Variants in VPS41 observed in about 807,000 individuals in gnomAD.
The protein encoded by VPS41 is vacuolar protein sorting-associated protein 41 homolog.
VPS41 carries 85 observed loss-of-function variants against 130.9 expected under a neutral mutation model. The ratio of observed to expected loss-of-function variants is 0.65; its 90% CI spans 0.55 to 0.78. The LOEUF is 0.78. VPS41 is among the 30% of genes least tolerant of loss of function. VPS41 has a pLI of 0.00. For synonymous variants in VPS41, 335 were observed against 332.9 expected (o/e 1.01, Z -0.07); for missense variants, 874 against 1,018.7 (o/e 0.86, Z 1.93).
intron 2 of VPS41, among the ~76,000 whole-genome samples, chr7:38,889,903 A>C (rs1786824417): frequency 1.3e-5 from 2 of 152,242 alleles, no homozygotes; most frequent in African/African-American, 4.8e-5. Flanking sequence ...AAATATTTAA[A>C]CAATTGCACT....
intron 9 of VPS41, among the ~76,000 whole-genome samples, 159 bp from the exon 10 acceptor site, chr7:38,790,026 A>G (rs912878781): frequency 1.3e-5 from 2 of 152,244 alleles, no homozygotes; most frequent in African/African-American, 4.8e-5. Context: ...TGTAAATGAC[A>G]TATAGCAATC....
At chr7:38,735,266 C>G (rs1795740526) in intron 25 of VPS41, among the ~76,000 whole-genome samples, 1 of 151,990 alleles carries the variant, frequency 6.6e-6, no homozygotes, top group East Asian at 1.9e-4. Flanking sequence ...AAATTAGGAG[C>G]TTATATACTG....
At position 38,752,328 on chromosome 7, in the gene VPS41, A is replaced by C. The variant is rs750560101; in HGVS notation, c.1789-15T>G. ...TTATGCAAATACTAAAAGGAACAAAAGATAAGCCGTGACCCATTAAAATGA... is the reference window on the plus strand; with the variant it reads ...TTATGCAAATACTAAAAGGAACAAACGATAAGCCGTGACCCATTAAAATGA... On this transcript the variant is annotated splice_polypyrimidine_tract_variant and intron_variant, in intron 21 of 28. Coordinates refer to ENST00000310301, the MANE Select transcript of VPS41 (RefSeq NM_014396.4). 7.4e-6 allele frequency: 12 copies of C among 1,613,294 alleles called. No individual in the cohort carries two copies. Among genetic ancestry groups the C allele is most frequent in the African/African-American group, 1.3e-5 (1 of 74,848 alleles).
chr7:38,767,660 C>T (rs963962451), intron 14 of VPS41, 62 bp from the exon 15 acceptor site: 16 of 1,272,232 alleles, frequency 1.3e-5, no homozygotes, highest in African/African-American at 1.2e-4. Flanking sequence ...AGTTGAGTCT[C>T]GGTTTCTGCA....
At chr7:38,822,702 T>C (rs1254522156) in intron 5 of VPS41, among the ~76,000 whole-genome samples, 1 of 152,236 alleles carries the variant, frequency 6.6e-6, no homozygotes, top group South Asian at 2.1e-4. Flanking sequence ...TGGAATGGAA[T>C]TGCTGAGTCA....
chr7:38,845,900 C>G (rs768205661), intron 4 of VPS41, among the ~76,000 whole-genome samples: 3 of 152,114 alleles, frequency 2.0e-5, no homozygotes. Flanking sequence ...ACTAAATTTT[C>G]AAAATGGTGA....
chr7:38,881,540 A>C (rs373525732), intron 2 of VPS41, among the ~76,000 whole-genome samples: 21 of 152,348 alleles, frequency 1.4e-4, no homozygotes, highest in Non-Finnish European at 2.5e-4. Context: ...TATAAGGATC[A>C]GAGAGGATAA....
intron 11 of VPS41, among the ~76,000 whole-genome samples, chr7:38,775,968 G>A (rs1271003383): frequency 2.6e-5 from 4 of 152,074 alleles, no homozygotes; most frequent in African/African-American, 7.2e-5. Context: ...ATGCCTTGAA[G>A]CCACCCCTAT....
At chr7:38,772,909 A>G (rs1784182669) in intron 12 of VPS41, among the ~76,000 whole-genome samples, 1 of 152,126 alleles carries the variant, frequency 6.6e-6, no homozygotes, top group South Asian at 2.1e-4. Context: ...GGAGGGAATG[A>G]CATACTAAAA....
At chr7:38,764,861 T>C (rs1326568501) in intron 16 of VPS41, among the ~76,000 whole-genome samples, 2 of 151,780 alleles carry the variant, frequency 1.3e-5, no homozygotes, top group Non-Finnish European at 2.9e-5. Flanking sequence ...AAAAAAAAGG[T>C]CCAAGTTACA....
chr7:38,891,770 T>C (rs1334145411), intron 2 of VPS41, among the ~76,000 whole-genome samples: 1 of 152,134 alleles, frequency 6.6e-6, no homozygotes, highest in Non-Finnish European at 1.5e-5. Flanking sequence ...AGAATAACAA[T>C]CCATTATATG....
chr7:38,836,656 T>G (rs1785501909), intron 4 of VPS41, among the ~76,000 whole-genome samples: 1 of 143,050 alleles, frequency 7.0e-6, no homozygotes, highest in Admixed American at 7.4e-5. Flanking sequence ...ATTTGAATTT[T>G]TTAGTCACCA....
Position 38,754,503 on chromosome 7 carries a change from C to G in VPS41, c.1788+199G>C, listed in dbSNP as rs183150114. Among the ~76,000 whole-genome samples the G allele has an allele frequency of 1.2e-3, 178 of 152,304 alleles. 2 individuals carry two copies. The highest frequency in any genetic ancestry group is 6.8e-3 in the Middle Eastern group (2 of 294). ...GTGGGTCAAAATTCAACTGCCTGATCTACAATTAATCCCTGACCTTGAATT... is the reference window on the plus strand; with the variant it reads ...GTGGGTCAAAATTCAACTGCCTGATGTACAATTAATCCCTGACCTTGAATT... On this transcript the variant is annotated intron_variant, in intron 21 of 28. Coordinates refer to ENST00000310301, the MANE Select transcript of VPS41 (RefSeq NM_014396.4).
intron 7 of VPS41, among the ~76,000 whole-genome samples, chr7:38,804,625 A>G (rs980157402): frequency 2.0e-5 from 3 of 152,246 alleles, no homozygotes; most frequent in Non-Finnish European, 4.4e-5. Flanking sequence ...TAAACAACGG[A>G]CGTGCCATTT....
chr7:38,764,616 T>C (rs762941533), intron 16 of VPS41, among the ~76,000 whole-genome samples: 9 of 150,964 alleles, frequency 6.0e-5, no homozygotes, highest in African/African-American at 1.7e-4. Context: ...CCGATTGGTA[T>C]TGACATGAAA....
In VPS41 at chr7:38,765,796, T is replaced by A. The variant is rs921532521; in HGVS notation, c.1248-135A>T. 5.2e-6 allele frequency: 3 copies of A among 577,814 alleles called. No individual in the cohort carries two copies. In the East Asian group the frequency reaches 8.9e-5, roughly 17 times the overall value. 35.8% of individuals were successfully genotyped at this position (577,814 alleles called of 1,614,324 possible). The stretch of plus-strand genomic sequence containing the variant: ...TTCTCAGAGTTTTGATGAATTTCTA[T>A]CTCAAGTACCAACGAACATAAAGAT... On this transcript the variant is annotated intron_variant, in intron 15 of 28. Transcript: ENST00000310301.
intron 1 of VPS41, 35 bp downstream of exon 1, chr7:38,909,119 T>G (rs919104664): frequency 9.3e-6 from 15 of 1,612,678 alleles, no homozygotes; most frequent in Middle Eastern, 3.3e-4. Flanking sequence ...AGTCTCTATA[T>G]CCCTGTGCCC....
intron 7 of VPS41, among the ~76,000 whole-genome samples, chr7:38,797,758 A>T (rs1784649190): frequency 6.6e-6 from 1 of 152,200 alleles, no homozygotes; most frequent in African/African-American, 2.4e-5. Flanking sequence ...CCACCCCAAA[A>T]GAGGCAGGGG....
At chr7:38,743,611 A>T (rs1420404068) in intron 23 of VPS41, 69 bp from the exon 24 acceptor site, 1 of 1,545,638 alleles carries the variant, frequency 6.5e-7, no homozygotes, top group African/African-American at 1.4e-5. Flanking sequence ...AAGAAATTGC[A>T]TATCTCTTAA....
Sources: allele counts gnomAD v4.1 joint callset (sites outside exome capture counted in the v4.1 genomes callset), GRCh38; gene constraint gnomAD v4.1.1; transcripts MANE v1.5; gene names NCBI Gene and HGNC (gene_info 2026-07-23, HGNC 2026-07-21).